Variants in MYO7B observed in about 807,000 individuals in gnomAD.
MYO7B encodes the protein myosin VIIB.
In MYO7B, 212 loss-of-function variants were observed where a neutral mutation model predicts 259.7. That is an observed-to-expected ratio of 0.82 (90% CI 0.73 to 0.91). The LOEUF (loss-of-function observed/expected upper bound fraction) is 0.91. Ranked by LOEUF, MYO7B falls within the 40% of genes least tolerant of loss-of-function variation. The pLI is 0.00. For synonymous variants in MYO7B, 1,197 were observed against 1,166.4 expected (o/e 1.03, Z -0.54); for missense variants, 2,732 against 2,813.5 (o/e 0.97, Z 0.66).
At chr2:127,612,373 G>A (rs1680418949) in intron 25 of MYO7B, 46 bp downstream of exon 25, 1 of 1,496,436 alleles carries the variant, frequency 6.7e-7, no homozygotes, top group South Asian at 1.2e-5. Context: ...CTGCTGGCCT[G>A]CTACAGGGTT....
rs1361490801 is a variant in MYO7B at position 127,613,922 on chromosome 2, G to A, written c.3398+1319G>A. On this transcript the variant is annotated intron_variant, in intron 26 of 47. Transcript: ENST00000409816. The surrounding 1 kb of genome is among the most constrained non-coding windows in gnomAD (Gnocchi z 4.3). ...TGCAAAATTTAGGACTCCTCTGATTGTCTTTATTCCAAGATTTCCCTTCTC... is the reference window on the plus strand; with the variant it reads ...TGCAAAATTTAGGACTCCTCTGATTATCTTTATTCCAAGATTTCCCTTCTC... Among the ~76,000 whole-genome samples, 1 of 152,136 alleles carries A rather than the reference G, an allele frequency of 6.6e-6. No individual in the cohort carries two copies. The highest frequency in any genetic ancestry group is 1.9e-4 in the East Asian group (1 of 5,192).
At chr2:127,595,682 T>C (rs536050408) in intron 18 of MYO7B, among the ~76,000 whole-genome samples, 8 of 152,358 alleles carry the variant, frequency 5.3e-5, no homozygotes, top group African/African-American at 1.9e-4. Flanking sequence ...TTGTTCTAAC[T>C]GGTTTCAAAG....
chr2:127,629,878 A>G, intron 35 of MYO7B, 52 bp downstream of exon 35: 1 of 1,508,218 alleles, frequency 6.6e-7, no homozygotes, highest in South Asian at 1.3e-5. Context: ...GTCAGGGTGG[A>G]GCAGTCCTGG....
chr2:127,582,343 A>T lies in MYO7B; in HGVS notation c.1240A>T (p.Ile414Phe). ...CCTCTTCCTGTGGATTGTCAAGAAG[A>T]TCAATGCCGCCATCTTCACACCACC... ...GHLFLWIVKK[I>F]NAAIFTPPAQ... Residue 414 changes from isoleucine to phenylalanine, a missense_variant, in exon 12 of 48, where the codon ATC becomes TTC. By Grantham distance (21) the Ile-to-Phe change is conservative. Transcript: ENST00000409816. 6.2e-7 allele frequency: 1 copy of T among 1,613,346 alleles called. No homozygotes were observed. Among genetic ancestry groups the T allele is most frequent in the Non-Finnish European group, 8.5e-7 (1 of 1,179,706 alleles).
intron 41 of MYO7B, 142 bp downstream of exon 41, chr2:127,634,431 G>T: frequency 2.3e-6 from 2 of 878,488 alleles, no homozygotes; most frequent in Non-Finnish European, 3.5e-6. Flanking sequence ...ACAGAGGTAG[G>T]TGGGGTCCTG....
chr2:127,573,817 C>A, intron 6 of MYO7B, 103 bp from the exon 7 acceptor site: 1 of 1,450,996 alleles, frequency 6.9e-7, no homozygotes, highest in Non-Finnish European at 9.4e-7. Context: ...TTCTTCAATT[C>A]GAGGCTTGGC....
At position 127,635,917 on chromosome 2, in the gene MYO7B, C is replaced by A; in HGVS notation, c.6006+10C>A. 1.3e-6 allele frequency: 2 copies of A among 1,559,970 alleles called. No homozygotes were observed. Among genetic ancestry groups the A allele is most frequent in the South Asian group, 2.4e-5 (2 of 84,464 alleles). ...GGAGGAGTGGAAAAAGGTCCCTGGT[C>A]GGGCTGGGGAAGGGTTCTTGTGCTG... On this transcript the variant is annotated intron_variant, in intron 44 of 47. Coordinates refer to ENST00000409816, the MANE Select transcript of MYO7B (RefSeq NM_001393586.1).
chr2:127,555,075 G>A (rs1233243667), intron 1 of MYO7B, among the ~76,000 whole-genome samples: 1 of 151,752 alleles, frequency 6.6e-6, no homozygotes, highest in Non-Finnish European at 1.5e-5. Context: ...AGCCTCCCAA[G>A]TAGCTGGGAT....
chr2:127,637,441 C>T lies in MYO7B; in HGVS notation c.*24C>T, dbSNP rs1163181749. ...AGCAGCGGATGCTGGCGTGTCTGCT[C>T]AGGCGCCCTTCCCGACCTCTAGCCT... On this transcript the variant is annotated 3_prime_UTR_variant, in exon 48 of 48. Coordinates refer to ENST00000409816, the MANE Select transcript of MYO7B (RefSeq NM_001393586.1). 4 of 1,472,538 alleles carry T rather than the reference C, an allele frequency of 2.7e-6. No individual in the cohort carries two copies. The highest frequency in any genetic ancestry group is 3.6e-6 in the Non-Finnish European group (4 of 1,104,990). The allele number at this position is 1,472,538 out of a possible 1,614,324, so 91.2% of individuals were successfully genotyped here.
At chr2:127,619,111 G>A (rs1680712379) in intron 26 of MYO7B, among the ~76,000 whole-genome samples, 2 of 147,248 alleles carry the variant, frequency 1.4e-5, no homozygotes, top group Non-Finnish European at 1.5e-5. Flanking sequence ...TGGTTGGATG[G>A]TAGAGGCTGG....
intron 27 of MYO7B, among the ~76,000 whole-genome samples, chr2:127,621,243 C>T (rs976563235): frequency 2.7e-5 from 4 of 149,886 alleles, no homozygotes; most frequent in African/African-American, 9.9e-5. Context: ...GGGACATGGA[C>T]TCTTCTGCAA....
At chr2:127,630,991 C>T (rs556841874) in intron 36 of MYO7B, 83 bp downstream of exon 36, 151 of 1,437,676 alleles carry the variant, frequency 1.1e-4, no homozygotes, top group Non-Finnish European at 1.3e-4. Context: ...CTCCCAGCCC[C>T]GCTCCACCTC....
At position 127,627,874 on chromosome 2, in the gene MYO7B, C is replaced by G. The variant is rs1241077431; in HGVS notation, c.4461-498C>G. ...GCACACAACAGAGTGGCACATGCAT[C>G]TCTGGGCTGTGCCAGGTGTACAGTG... On this transcript the variant is annotated intron_variant, in intron 33 of 47. Transcript: ENST00000409816. This position sits in a 1 kb window ranked among gnomAD's most constrained non-coding sequence, Gnocchi z 5.6. 2.2e-6 allele frequency: 1 copy of G among 458,616 alleles called. No homozygotes were observed. The highest frequency in any genetic ancestry group is 2.3e-5 in the Admixed American group (1 of 42,638). The allele number at this position is 458,616 out of a possible 1,614,324, so 28.4% of individuals were successfully genotyped here.
In MYO7B at chr2:127,597,064, C is replaced by A. The variant is rs935828336; in HGVS notation, c.2339+508C>A. ...CCAGGCATGAGAAAGTAGAAGACAG[C>A]CAGCCCCGGGAATAGAGAATGAGGG... On this transcript the variant is annotated intron_variant, in intron 19 of 47. Transcript: ENST00000409816. This position sits in a 1 kb window ranked among gnomAD's most constrained non-coding sequence, Gnocchi z 4.8. Among the ~76,000 whole-genome samples the A allele has an allele frequency of 2.0e-5, 3 of 152,220 alleles. No individual in the cohort carries two copies. Among genetic ancestry groups the A allele is most frequent in the Non-Finnish European group, 4.4e-5 (3 of 68,046 alleles).
At position 127,631,377 on chromosome 2, in the gene MYO7B, C is replaced by G. The variant is rs911595126; in HGVS notation, c.5095+14C>G. 1 of 1,597,898 alleles carries G rather than the reference C, an allele frequency of 6.3e-7. No homozygotes were observed. Among genetic ancestry groups the G allele is most frequent in the Non-Finnish European group, 8.6e-7 (1 of 1,168,446 alleles). On this transcript the variant is annotated intron_variant, in intron 37 of 47. Coordinates refer to ENST00000409816, the MANE Select transcript of MYO7B (RefSeq NM_001393586.1). ...AGATCTTTGTCGATATCCTTCCCCA[C>G]CAGCCTGCCTGCACCTCGTCAATGC... is the stretch of plus-strand genomic sequence containing the variant.
intron 21 of MYO7B, among the ~76,000 whole-genome samples, 171 bp from the exon 22 acceptor site, chr2:127,608,537 C>T (rs1253873184): frequency 1.3e-5 from 2 of 152,256 alleles, no homozygotes; most frequent in African/African-American, 4.8e-5. Flanking sequence ...GATCTCTAAC[C>T]ACACTAGCTG....
chr2:127,543,981 G>A (rs145484138), intron 1 of MYO7B, among the ~76,000 whole-genome samples: 52 of 151,990 alleles, frequency 3.4e-4, no homozygotes, highest in African/African-American at 1.2e-3. Context: ...TCCTGACCTC[G>A]TGATCTGCCT....
At chr2:127,582,571 T>C in intron 12 of MYO7B, 125 bp downstream of exon 12, 1 of 1,139,694 alleles carries the variant, frequency 8.8e-7, no homozygotes, top group Admixed American at 2.3e-5. Context: ...TCCCACCAGA[T>C]CCGTGTGCTC....
In MYO7B at chr2:127,593,551, AGGCAAGCTCCGCCAGATGACCCTG is replaced by A; in HGVS notation, c.2156_2179del (p.Lys719_Gly726del). 1 of 1,612,580 alleles carries A rather than the reference AGGCAAGCTCCGCCAGATGACCCTG, an allele frequency of 6.2e-7. No individual in the cohort carries two copies. Among genetic ancestry groups the A allele is most frequent in the Middle Eastern group, 1.7e-4 (1 of 6,054 alleles). ...CCCCCGTTTGGTCTTGGCAGCTGCA[AGGCAAGCTCCGCCAGATGACCCTG>A]GGCATCACTGACGTGTGGCTGCGGA... On this transcript the variant is annotated inframe_deletion, in exon 18 of 48. Coordinates refer to ENST00000409816, the MANE Select transcript of MYO7B (RefSeq NM_001393586.1).
Sources: allele counts gnomAD v4.1 joint callset (sites outside exome capture counted in the v4.1 genomes callset), GRCh38; gene constraint gnomAD v4.1.1; non-coding constraint Gnocchi (gnomAD v3.1); transcripts MANE v1.5; gene names NCBI Gene and HGNC (gene_info 2026-07-23, HGNC 2026-07-21).